The following ADAMTS2 variants were observed in gnomAD, a reference collection of about 807,000 sequenced individuals.
The protein encoded by ADAMTS2 is A disintegrin and metalloproteinase with thrombospondin motifs 2.
ADAMTS2 carries 50 observed loss-of-function variants against 123.0 expected under a neutral mutation model. The ratio of observed to expected loss-of-function variants is 0.41; its 90% CI spans 0.32 to 0.51. The LOEUF (loss-of-function observed/expected upper bound fraction) is 0.51, where lower values mean the gene tolerates loss of function less well. Among genes scored for constraint, ADAMTS2 ranks in the 20% least tolerant of loss-of-function variants. ADAMTS2 has a pLI of 0.35. For missense variants in ADAMTS2, 1,494 were observed against 1,705.2 expected (o/e 0.88, Z 2.18); for synonymous variants, 678 against 695.4 (o/e 0.98, Z 0.39).
intron 3 of ADAMTS2, among the ~76,000 whole-genome samples, chr5:179,266,986 G>A (rs1766388854): frequency 6.6e-6 from 1 of 152,190 alleles, no homozygotes; most frequent in Admixed American, 6.5e-5. Context: ...AACTCTTTGT[G>A]AGACTGGAGG....
chr5:179,310,512 A>G (rs1019126961), intron 2 of ADAMTS2, among the ~76,000 whole-genome samples: 2 of 152,164 alleles, frequency 1.3e-5, no homozygotes, highest in Non-Finnish European at 2.9e-5. Context: ...AAGTCCACAG[A>G]AGAATCTGAT....
chr5:179,341,645 A>G (rs896709332), intron 2 of ADAMTS2, among the ~76,000 whole-genome samples: 5 of 151,636 alleles, frequency 3.3e-5, no homozygotes, highest in African/African-American at 4.8e-5. Flanking sequence ...CCCGGAAGGC[A>G]GAGCGCTTGC....
chr5:179,159,071 C>A (rs1051389151), intron 5 of ADAMTS2, among the ~76,000 whole-genome samples, 192 bp from the exon 6 acceptor site: 2 of 152,210 alleles, frequency 1.3e-5, no homozygotes, highest in African/African-American at 4.8e-5. Context: ...AAAAGTTTCC[C>A]CAGTCACACT....
At chr5:179,169,250 G>A (rs962671640) in intron 5 of ADAMTS2, among the ~76,000 whole-genome samples, 17 of 152,202 alleles carry the variant, frequency 1.1e-4, no homozygotes, top group South Asian at 4.1e-4. Context: ...TCCATCATGC[G>A]AGGGCACAGC....
In ADAMTS2 at chr5:179,308,457, C is replaced by T. The variant is rs749567769; in HGVS notation, c.534+35310G>A. Among the ~76,000 whole-genome samples the T allele has an allele frequency of 3.3e-5, 5 of 152,272 alleles. No homozygotes were observed. The highest frequency in any genetic ancestry group is 3.9e-4 in the East Asian group (2 of 5,170). ...CAGGCTGAGGACAGGAACGGGCAGC[C>T]GCCACTGTTCACGAGCAAGGGTGCA... On this transcript the variant is annotated intron_variant, in intron 2 of 21. Coordinates refer to ENST00000251582, the MANE Select transcript of ADAMTS2 (RefSeq NM_014244.5). The surrounding 1 kb of genome is among the most constrained non-coding windows in gnomAD (Gnocchi z 6.6).
intron 2 of ADAMTS2, among the ~76,000 whole-genome samples, chr5:179,280,337 C>CTG (rs1172842808): frequency 1.3e-5 from 2 of 152,188 alleles, no homozygotes; most frequent in Non-Finnish European, 2.9e-5. Flanking sequence ...GCACTGGACG[C>CTG]TGAGCCAGGG....
At chr5:179,340,472 G>A (rs555703896) in intron 2 of ADAMTS2, among the ~76,000 whole-genome samples, 4 of 152,324 alleles carry the variant, frequency 2.6e-5, no homozygotes, top group South Asian at 2.1e-4. Context: ...CAATGAGAAC[G>A]TCTCCAGGAG....
intron 2 of ADAMTS2, among the ~76,000 whole-genome samples, chr5:179,305,299 G>T (rs931934801): frequency 1.6e-4 from 24 of 152,166 alleles, no homozygotes; most frequent in African/African-American, 5.3e-4. Context: ...AAATATAACA[G>T]ATTAGGCTCT....
At chr5:179,277,796 C>A (rs776792518) in intron 2 of ADAMTS2, among the ~76,000 whole-genome samples, 1 of 6,186 alleles carries the variant, frequency 1.6e-4, no homozygotes, top group Non-Finnish European at 3.9e-4. Flanking sequence ...GACCCCCCCG[C>A]GAGACCAAAG....
intron 3 of ADAMTS2, among the ~76,000 whole-genome samples, chr5:179,212,994 C>A (rs1441016387): frequency 1.3e-5 from 2 of 152,158 alleles, no homozygotes. Flanking sequence ...GAGCCCGCTG[C>A]CTCCCATGGG....
Position 179,114,046 on chromosome 5 carries a change from C to T in ADAMTS2, c.3457G>A (p.Glu1153Lys), listed in dbSNP as rs868859368. 2 of 1,614,136 alleles carry T rather than the reference C, an allele frequency of 1.2e-6. No homozygotes were observed. Among genetic ancestry groups the T allele is most frequent in the South Asian group, 2.2e-5 (2 of 91,080 alleles). ...ACGGCATTGGTTTCTGGGTGATCCT[C>T]TGTGGCATTGGTGCTGGAGGCATTG... ...PLNASSTNAT[E>K]DHPETNAVDE... is the part of the protein sequence containing the mutation. The change falls in exon 22 of 22, where the codon GAG becomes AAG. Residue 1153 changes from glutamate (E) to lysine (K), a missense_variant. Physicochemically the swap from Glu to Lys is moderately conservative, Grantham distance 56. Around this residue, in one of 6 missense-constraint regions of ADAMTS2, gnomAD observed 953 missense variants for 1,124.7 expected, o/e 0.85. Coordinates refer to ENST00000251582, the MANE Select transcript of ADAMTS2 (RefSeq NM_014244.5).
chr5:179,252,406 A>C lies in ADAMTS2; in HGVS notation c.688+20505T>G, dbSNP rs1192302284. Among the ~76,000 whole-genome samples the C allele has an allele frequency of 1.2e-4, 19 of 152,158 alleles. No homozygotes were observed. In the East Asian group the frequency reaches 3.5e-3, roughly 28 times the overall value. ...TTCTAACTTCTCACACTGGAAATTT[A>C]TCTCTTTAATTTTTAGACCTTTTTC... On this transcript the variant is annotated intron_variant, in intron 3 of 21. Coordinates refer to ENST00000251582, the MANE Select transcript of ADAMTS2 (RefSeq NM_014244.5).
intron 2 of ADAMTS2, among the ~76,000 whole-genome samples, chr5:179,279,896 A>C (rs541391746): frequency 6.6e-6 from 1 of 152,352 alleles, no homozygotes; most frequent in Admixed American, 6.5e-5. Context: ...GGAGCTGTCC[A>C]TGGGGTTAGG....
At chr5:179,144,902 C>T (rs570878221) in intron 10 of ADAMTS2, among the ~76,000 whole-genome samples, 1 of 152,332 alleles carries the variant, frequency 6.6e-6, no homozygotes, top group Admixed American at 6.5e-5. Flanking sequence ...CAAAATTAAA[C>T]ACTTTTGCAC....
At chr5:179,326,180 G>A (rs1043781158) in intron 2 of ADAMTS2, among the ~76,000 whole-genome samples, 1 of 150,008 alleles carries the variant, frequency 6.7e-6, no homozygotes, top group Non-Finnish European at 1.5e-5. Context: ...GGATTTGGTG[G>A]AGAAATGGCG....
At chr5:179,337,334 C>T (rs1364982940) in intron 2 of ADAMTS2, among the ~76,000 whole-genome samples, 1 of 152,144 alleles carries the variant, frequency 6.6e-6, no homozygotes, top group Non-Finnish European at 1.5e-5. Flanking sequence ...CATGCTGGCC[C>T]ATGCTCACTC....
chr5:179,164,035 C>A (rs1763650438), intron 5 of ADAMTS2, among the ~76,000 whole-genome samples: 1 of 152,110 alleles, frequency 6.6e-6, no homozygotes, highest in South Asian at 2.1e-4. Context: ...AGCCTGGGTC[C>A]CAGCAGGGGG....
Position 179,228,322 on chromosome 5 carries a change from G to A in ADAMTS2, c.689-20607C>T, listed in dbSNP as rs1765334176. Among the ~76,000 whole-genome samples the A allele has an allele frequency of 6.6e-6, 1 of 152,192 alleles. No individual in the cohort carries two copies. The highest frequency in any genetic ancestry group is 2.4e-5 in the African/African-American group (1 of 41,466). On this transcript the variant is annotated intron_variant, in intron 3 of 21. Transcript: ENST00000251582. The surrounding 1 kb of genome is among the most constrained non-coding windows in gnomAD (Gnocchi z 5.2). ...AAACCTGAGGCCCACAGAGGTGACA[G>A]GAACGGGCCAGGTGCACGGACAGGG...
intron 3 of ADAMTS2, among the ~76,000 whole-genome samples, chr5:179,263,869 G>A (rs568226984): frequency 4.3e-4 from 65 of 152,342 alleles, no homozygotes; most frequent in Middle Eastern, 3.4e-3. Context: ...AGAGCACAGC[G>A]CTGCCTAGGA....
Sources: allele counts gnomAD v4.1 joint callset (sites outside exome capture counted in the v4.1 genomes callset), GRCh38; gene constraint gnomAD v4.1.1; regional missense constraint gnomAD v4.1.1; non-coding constraint Gnocchi (gnomAD v3.1); transcripts MANE v1.5; gene names NCBI Gene and HGNC (gene_info 2026-07-23, HGNC 2026-07-21).